Variants in PAM observed in about 807,000 individuals in gnomAD.
The protein encoded by PAM is peptidyl-glycine alpha-amidating monooxygenase.
PAM carries 72 observed loss-of-function variants against 122.1 expected under a neutral mutation model. The observed-to-expected ratio is 0.59, with a 90% CI of 0.49 to 0.72. The LOEUF (loss-of-function observed/expected upper bound fraction) is 0.72, where lower values mean the gene tolerates loss of function less well. PAM is among the 30% of genes least tolerant of loss of function. The pLI, the probability that PAM is intolerant of heterozygous loss-of-function variation, is 0.00. For missense variants in PAM, 1,106 were observed against 1,183.7 expected, an observed-to-expected ratio of 0.93 and a Z score of 0.96; for synonymous variants, 389 against 404.4, an observed-to-expected ratio of 0.96 and a Z score of 0.46.
At chr5:102,878,929 T>C (rs931141602) in intron 3 of PAM, among the ~76,000 whole-genome samples, 3 of 152,012 alleles carry the variant, frequency 2.0e-5, no homozygotes, top group Non-Finnish European at 2.9e-5. Flanking sequence ...ATTCTTTTTT[T>C]TTTTGTTTTT....
At position 102,949,608 on chromosome 5, in the gene PAM, C is replaced by T; in HGVS notation, c.715C>T (p.His239Tyr). ...TGTCTTTGCCTATAGAGTTCACACTCACCATTTAGGTAAGAACTTTACATG... is the reference window on the plus strand; with the variant it reads ...TGTCTTTGCCTATAGAGTTCACACTTACCATTTAGGTAAGAACTTTACATG... The part of the protein sequence containing the change: ...MHVFAYRVHT[H>Y]HLGKVVSGYR... The change falls in exon 10 of 26, where the codon CAC (histidine) becomes TAC (tyrosine). Residue 239 changes from histidine (H) to tyrosine (Y), a missense_variant. His to Tyr is a moderately conservative substitution (Grantham distance 83). This residue lies in a region of PAM where 670 missense variants were observed against 690.3 expected (regional missense o/e 0.97). Transcript: ENST00000438793. The T allele has an allele frequency of 1.4e-6, 2 of 1,415,300 alleles. No homozygotes were observed. Among genetic ancestry groups the T allele is most frequent in the Non-Finnish European group, 2.0e-6 (2 of 999,592 alleles). The allele number at this position is 1,415,300 out of a possible 1,614,324, so 87.7% of individuals were successfully genotyped here. A position where few individuals can be genotyped will look rare whatever the true frequency, so the allele number is the denominator to read the frequency against.
intron 7 of PAM, among the ~76,000 whole-genome samples, chr5:102,944,714 C>T (rs563817094): frequency 1.3e-5 from 2 of 152,220 alleles, no homozygotes; most frequent in African/African-American, 2.4e-5. Context: ...AACTTCTTTA[C>T]GGTCCCATGG....
intron 21 of PAM, among the ~76,000 whole-genome samples, chr5:103,013,516 T>G (rs1781205373): frequency 6.6e-6 from 1 of 152,240 alleles, no homozygotes; most frequent in Non-Finnish European, 1.5e-5. Context: ...AAGGATAATT[T>G]GATTTCTTCC....
In PAM at chr5:102,770,440, A is replaced by G. The variant is rs115689331; in HGVS notation, c.-374+15092A>G. On this transcript the variant is annotated intron_variant, in intron 1 of 25. Transcript: ENST00000438793. ...TAGTGACAGTGGGCCTCCTTGTCAT[A>G]AAGATCTTAGAGGAAAGGCTTTCAG... 6.8e-3 allele frequency among the ~76,000 whole-genome samples: 1,037 copies of G among 152,018 alleles called. 9 individuals carry two copies. The highest frequency in any genetic ancestry group is 0.013 in the Non-Finnish European group (871 of 67,846).
intron 1 of PAM, among the ~76,000 whole-genome samples, chr5:102,863,373 G>A (rs1382047144): frequency 5.9e-5 from 9 of 152,068 alleles, no homozygotes; most frequent in Non-Finnish European, 1.3e-4. Context: ...TCCAAGGCTT[G>A]CTCAGTAGCC....
intron 1 of PAM, among the ~76,000 whole-genome samples, chr5:102,775,481 A>G (rs1207872163): frequency 6.6e-6 from 1 of 151,996 alleles, no homozygotes; most frequent in Non-Finnish European, 1.5e-5. Context: ...ATTTATCCTG[A>G]TGCTCTCCCT....
At chr5:102,819,114 C>T (rs1770871410) in intron 1 of PAM, among the ~76,000 whole-genome samples, 1 of 152,150 alleles carries the variant, frequency 6.6e-6, no homozygotes. Context: ...ATATTCTTTG[C>T]TGCTTGCTTG....
intron 4 of PAM, among the ~76,000 whole-genome samples, chr5:102,902,023 C>T (rs1220336114): frequency 6.6e-6 from 1 of 151,618 alleles, no homozygotes; most frequent in Non-Finnish European, 1.5e-5. Context: ...CATCTGTTTC[C>T]TTCTAGGTTG....
rs1226791465 is a variant in PAM, at chr5:102,974,095, T to G, written c.1163-21T>G. 2.5e-6 allele frequency: 4 copies of G among 1,587,416 alleles called. No individual in the cohort carries two copies. The African/African-American group carries it at 4.0e-5, about 16-fold the overall frequency. On this transcript the variant is annotated intron_variant, in intron 14 of 25. Coordinates refer to ENST00000438793, the MANE Select transcript of PAM (RefSeq NM_001177306.2). ...ATCTTATCTACCCTCCACGCCCTTATCTCTTCTCTTTTTTCCACAGGTGAT... is the reference window on the plus strand; with the variant it reads ...ATCTTATCTACCCTCCACGCCCTTAGCTCTTCTCTTTTTTCCACAGGTGAT...
intron 3 of PAM, among the ~76,000 whole-genome samples, chr5:102,868,365 G>T (rs888472819): frequency 6.6e-6 from 1 of 152,110 alleles, no homozygotes; most frequent in Admixed American, 6.5e-5. Flanking sequence ...ATACACATGG[G>T]CCTTTTTTTG....
chr5:102,974,115 G>A lies in PAM; in HGVS notation c.1163-1G>A. 6.2e-7 allele frequency: 1 copy of A among 1,607,304 alleles called. No individual in the cohort carries two copies. The highest frequency in any genetic ancestry group is 8.5e-7 in the Non-Finnish European group (1 of 1,175,390). ...CCTTATCTCTTCTCTTTTTTCCACA[G>A]GTGATTTCTATTCACTACTTTCCAA... On this transcript the variant is annotated splice_acceptor_variant, in intron 14 of 25. Transcript: ENST00000438793. LOFTEE classifies it high-confidence loss of function.
intron 14 of PAM, among the ~76,000 whole-genome samples, chr5:102,965,925 C>G (rs906892181): frequency 6.6e-6 from 1 of 151,982 alleles, no homozygotes; most frequent in African/African-American, 2.4e-5. Flanking sequence ...ACTGTCAAAG[C>G]CTGCTAAAGT....
intron 15 of PAM, among the ~76,000 whole-genome samples, chr5:102,988,684 AAAG>A (rs1429153130): frequency 4.2e-5 from 6 of 141,892 alleles, no homozygotes; most frequent in South Asian, 2.2e-4. Context: ...AAGGGAAAAG[AAAG>A]AAGGAAAGAA....
At chr5:102,818,348 A>G (rs1770629016) in intron 1 of PAM, among the ~76,000 whole-genome samples, 1 of 152,104 alleles carries the variant, frequency 6.6e-6, no homozygotes, top group African/African-American at 2.4e-5. Context: ...GAGAACACAC[A>G]GTTCCTTTCA....
chr5:102,963,743 G>C (rs947592286), intron 14 of PAM, among the ~76,000 whole-genome samples: 1 of 151,678 alleles, frequency 6.6e-6, no homozygotes, highest in African/African-American at 2.4e-5. Flanking sequence ...ACCTGTTAGT[G>C]GGTACAGATA....
At chr5:102,862,028 GA>G (rs1784321443) in intron 1 of PAM, among the ~76,000 whole-genome samples, 2 of 151,986 alleles carry the variant, frequency 1.3e-5, no homozygotes, top group African/African-American at 4.8e-5. Flanking sequence ...ATATTAGCAG[GA>G]CATGGTGGTG....
intron 3 of PAM, among the ~76,000 whole-genome samples, chr5:102,897,085 CA>C (rs1389515215): frequency 1.3e-5 from 2 of 151,554 alleles, no homozygotes; most frequent in Non-Finnish European, 3.0e-5. Flanking sequence ...CTCTCATAAT[CA>C]AAATTCTGGC....
chr5:103,008,097 A>T (rs1307872308), intron 20 of PAM, among the ~76,000 whole-genome samples: 1 of 152,038 alleles, frequency 6.6e-6, no homozygotes, highest in Non-Finnish European at 1.5e-5. Context: ...CTTATGCCTA[A>T]ATACCAGGAT....
chr5:102,926,578 T>A lies in PAM; in HGVS notation c.443-7T>A. 6.5e-7 allele frequency: 1 copy of A among 1,535,514 alleles called. No individual in the cohort carries two copies. The highest frequency in any genetic ancestry group is 9.0e-7 in the Non-Finnish European group (1 of 1,109,320). On this transcript the variant is annotated splice_region_variant and splice_polypyrimidine_tract_variant and intron_variant, in intron 6 of 25. Transcript: ENST00000438793. ...TCTAATATATTAACTTTTTTGTAAA[T>A]CTTTAGGTGTTGGATTCAGAGTTGG...
Sources: gnomAD v4.1 joint callset for allele counts (sites outside exome capture counted in the v4.1 genomes callset) on GRCh38, gnomAD v4.1.1 for gene constraint, gnomAD v4.1.1 regional missense constraint, MANE v1.5 for transcripts, NCBI Gene and HGNC (gene_info 2026-07-23, HGNC 2026-07-21) for gene names.